Variants in CYFIP1 observed in about 807,000 individuals in gnomAD.
The protein encoded by CYFIP1 is cytoplasmic FMR1-interacting protein 1.
Under a neutral mutation model 163.5 loss-of-function variants are expected in CYFIP1, and 58 were observed. That is an observed-to-expected ratio of 0.35 (90% CI 0.29 to 0.44). The LOEUF (loss-of-function observed/expected upper bound fraction) is 0.44. Among genes scored for constraint, CYFIP1 ranks in the 20% least tolerant of loss-of-function variants. The probability of loss-of-function intolerance (pLI) is 1.00; values close to 1 mark genes in which losing one functional copy is unlikely to be tolerated. For missense variants in CYFIP1, 1,338 were observed against 1,653.8 expected, an observed-to-expected ratio of 0.81 and a Z score of 3.31; for synonymous variants, 663 against 660.7, an observed-to-expected ratio of 1.00 and a Z score of -0.05.
At chr15:22,977,446 T>C (rs1283057215) in intron 1 of CYFIP1, among the ~76,000 whole-genome samples, 1 of 152,240 alleles carries the variant, frequency 6.6e-6, no homozygotes, top group Non-Finnish European at 1.5e-5. Context: ...AATTAATCCA[T>C]GCTTTATCAA....
Position 22,881,864 on chromosome 15 carries a change from G to A in CYFIP1, c.2893C>T (p.His965Tyr), listed in dbSNP as rs946776780. Reference sequence around the variant, plus strand: ...CACTCACCAGGAGAGCCGTACTCGTGCCGGGGCAGGCGGCAGATCTTGGGC... The same window carrying A: ...CACTCACCAGGAGAGCCGTACTCGTACCGGGGCAGGCGGCAGATCTTGGGC... ...VMPKICRLPRHEYGSPGILEF... is the reference protein window; with the variant it reads ...VMPKICRLPRYEYGSPGILEF... Residue 965 changes from histidine (H) to tyrosine (Y), a missense_variant, in exon 25 of 31, where the codon CAC becomes TAC. This residue lies in a region of CYFIP1 where 824 missense variants were observed against 995.7 expected (regional missense o/e 0.83). Transcript: ENST00000617928. 5.6e-6 allele frequency: 9 copies of A among 1,611,522 alleles called. No homozygotes were observed. The East Asian group carries it at 1.8e-4, about 32-fold the overall frequency.
chr15:22,872,950 G>A lies in CYFIP1; in HGVS notation c.3472C>T (p.His1158Tyr). The A allele has an allele frequency of 2.5e-6, 4 of 1,614,026 alleles. No individual in the cohort carries two copies. Among genetic ancestry groups the A allele is most frequent in the Non-Finnish European group, 3.4e-6 (4 of 1,179,964 alleles). ...TVEQCFGDGL[H>Y]WAGCMIIVLL... ...ACGATGATCATACAGCCAGCCCAGT[G>A]TAGCCCATCACCAAAGCACTGCCTA... Residue 1158 changes from histidine to tyrosine, a missense_variant, in exon 30 of 31, where the codon CAC becomes TAC. Physicochemically the swap from His to Tyr is moderately conservative, Grantham distance 83 (BLOSUM62 2). Coordinates refer to ENST00000617928, the MANE Select transcript of CYFIP1 (RefSeq NM_014608.6).
At chr15:22,930,389 C>CAAAGAAAAAA (rs869052648) in intron 11 of CYFIP1, among the ~76,000 whole-genome samples, 27 of 114,094 alleles carry the variant, frequency 2.4e-4, no homozygotes, top group African/African-American at 7.8e-4. Flanking sequence ...CCGTCTCACC[C>CAAAGAAAAAA]AAAAAAAAAA....
At chr15:22,961,502 C>G (rs553611597) in intron 1 of CYFIP1, among the ~76,000 whole-genome samples, 12 of 152,260 alleles carry the variant, frequency 7.9e-5, no homozygotes, top group African/African-American at 2.6e-4. Context: ...CCTCAGCCCC[C>G]CAGGTAGCTG....
At chr15:22,942,487 G>A (rs1223990475) in intron 6 of CYFIP1, among the ~76,000 whole-genome samples, 3 of 151,912 alleles carry the variant, frequency 2.0e-5, no homozygotes, top group African/African-American at 4.8e-5. Flanking sequence ...ACCGAACGCC[G>A]GTCGGCAGCG....
intron 26 of CYFIP1, 184 bp from the exon 27 acceptor site, chr15:22,875,455 C>T (rs1489190092): frequency 1.6e-5 from 10 of 624,982 alleles, no homozygotes; most frequent in Non-Finnish European, 2.6e-5. Flanking sequence ...TTCCGGCAGC[C>T]GCCAGCCATG....
chr15:22,932,378 C>T (rs746134303), intron 10 of CYFIP1, 38 bp from the exon 11 acceptor site: 5 of 1,465,616 alleles, frequency 3.4e-6, no homozygotes, highest in African/African-American at 2.8e-5. Context: ...CCTGCGGAGG[C>T]GCCGGCAGGC....
intron 1 of CYFIP1, among the ~76,000 whole-genome samples, chr15:22,962,413 C>T (rs7164660): frequency 0.35 from 49,089 of 141,386 alleles, 8,614 homozygotes; most frequent in African/African-American, 0.46. Flanking sequence ...TTTTTTTTTT[C>T]TTGAGACGGA....
intron 1 of CYFIP1, among the ~76,000 whole-genome samples, chr15:22,979,921 G>A (rs913179226): frequency 6.6e-6 from 1 of 152,154 alleles, no homozygotes. Flanking sequence ...GTATTCCTTC[G>A]CCACTGGAGC....
intron 1 of CYFIP1, among the ~76,000 whole-genome samples, chr15:22,949,994 A>T (rs1019713257): frequency 1.3e-5 from 2 of 152,198 alleles, no homozygotes; most frequent in Non-Finnish European, 2.9e-5. Context: ...CATACTTTTT[A>T]AAAAAGCTAT....
At chr15:22,976,515 A>G (rs569736663) in intron 1 of CYFIP1, among the ~76,000 whole-genome samples, 1 of 152,270 alleles carries the variant, frequency 6.6e-6, no homozygotes, top group East Asian at 1.9e-4. Context: ...CTGTAGTTTC[A>G]TTATCTGCAA....
intron 21 of CYFIP1, among the ~76,000 whole-genome samples, chr15:22,908,307 C>A (rs545108711): frequency 4.8e-4 from 73 of 152,024 alleles, no homozygotes; most frequent in African/African-American, 1.7e-3. Flanking sequence ...GTGAGACAGC[C>A]GAAAAATGGG....
chr15:22,890,031 T>C lies in CYFIP1; in HGVS notation c.2676+2859A>G, dbSNP rs763127901. On this transcript the variant is annotated intron_variant, in intron 23 of 30. Transcript: ENST00000617928. ...AGTCAGCTTCAACTGGGCACCACCA[T>C]TGGCTCATGCCTGTAATTCCAACAC... Among the ~76,000 whole-genome samples, 50 of 152,138 alleles carry C rather than the reference T, an allele frequency of 3.3e-4. 1 individual carries two copies. Among genetic ancestry groups the C allele is most frequent in the East Asian group, 1.9e-4 (1 of 5,170 alleles).
chr15:22,942,857 TG>T (rs1242296294), intron 6 of CYFIP1, among the ~76,000 whole-genome samples: 1 of 152,222 alleles, frequency 6.6e-6, no homozygotes, highest in Non-Finnish European at 1.5e-5. Flanking sequence ...CAGATGCCTG[TG>T]CTCTGTGAGC....
At chr15:22,912,130 G>A (rs2289819) in intron 18 of CYFIP1, 49 bp downstream of exon 18, 265,962 of 1,471,598 alleles carry the variant, frequency 0.18, 25,591 homozygotes, top group Admixed American at 0.32. Context: ...AAAGAGAAAG[G>A]AGATTTAATT....
At chr15:22,971,255 T>C (rs937949960) in intron 1 of CYFIP1, among the ~76,000 whole-genome samples, 8 of 152,322 alleles carry the variant, frequency 5.3e-5, no homozygotes, top group African/African-American at 1.2e-4. Context: ...ACAGAATTAA[T>C]AGACCAGGTG....
intron 17 of CYFIP1, among the ~76,000 whole-genome samples, chr15:22,912,882 C>A (rs549990762): frequency 6.6e-6 from 1 of 152,150 alleles, no homozygotes; most frequent in African/African-American, 2.4e-5. Context: ...GATCGTGCCA[C>A]TACACTCTAG....
At chr15:22,889,386 C>T (rs1415290754) in intron 23 of CYFIP1, among the ~76,000 whole-genome samples, 2 of 152,190 alleles carry the variant, frequency 1.3e-5, no homozygotes, top group Non-Finnish European at 1.5e-5. Context: ...TGGAACAGCG[C>T]GCTCATGTTG....
intron 13 of CYFIP1, among the ~76,000 whole-genome samples, chr15:22,921,121 G>A (rs767485220): frequency 2.0e-5 from 3 of 152,152 alleles, no homozygotes; most frequent in Non-Finnish European, 4.4e-5. Context: ...TGTAATCCCA[G>A]TATTTTGGGA....
Sources: allele counts gnomAD v4.1 joint callset (sites outside exome capture counted in the v4.1 genomes callset), GRCh38; gene constraint gnomAD v4.1.1; regional missense constraint gnomAD v4.1.1; transcripts MANE v1.5; gene names NCBI Gene and HGNC (gene_info 2026-07-23, HGNC 2026-07-21).